THSD7B: variants seen among roughly 807,000 people sequenced by gnomAD.
THSD7B encodes the protein thrombospondin type-1 domain-containing protein 7B.
A neutral mutation model predicts 213.6 loss-of-function variants in THSD7B; 138 were observed. The ratio of observed to expected loss-of-function variants is 0.65; its 90% confidence interval spans 0.56 to 0.74. THSD7B has a LOEUF of 0.74. Ranked by LOEUF, THSD7B falls within the 30% of genes least tolerant of loss-of-function variation. The pLI is 0.00. For synonymous variants in THSD7B, 742 were observed against 687.0 expected (o/e 1.08, Z -1.25); for missense variants, 1,931 against 1,991.5 (o/e 0.97, Z 0.58).
intron 7 of THSD7B, among the ~76,000 whole-genome samples, chr2:137,178,137 A>G (rs1026779721): frequency 1.3e-5 from 2 of 151,264 alleles, no homozygotes; most frequent in Non-Finnish European, 2.9e-5. Context: ...CCTGCTGCAG[A>G]AGTTATTCTT....
At chr2:137,405,560 C>G in intron 12 of THSD7B, 53 bp from the exon 13 acceptor site, 1 of 1,502,072 alleles carries the variant, frequency 6.7e-7, no homozygotes. Flanking sequence ...AAAGAACCAG[C>G]AGCTGACTGA....
intron 7 of THSD7B, among the ~76,000 whole-genome samples, chr2:137,220,745 C>T (rs965188837): frequency 1.3e-5 from 2 of 151,990 alleles, no homozygotes; most frequent in African/African-American, 4.8e-5. Flanking sequence ...CAGCTTTATG[C>T]ACAATCGCCA....
At chr2:136,907,900 AT>A (rs1471209061) in intron 2 of THSD7B, among the ~76,000 whole-genome samples, 5 of 152,226 alleles carry the variant, frequency 3.3e-5, no homozygotes, top group Non-Finnish European at 1.5e-5. Flanking sequence ...TCAGTGCAGT[AT>A]TTTAGGTGAT....
chr2:137,041,828 G>T (rs1335240171), intron 2 of THSD7B, among the ~76,000 whole-genome samples: 1 of 152,138 alleles, frequency 6.6e-6, no homozygotes, highest in Admixed American at 6.5e-5. Context: ...ATTCGCTAAT[G>T]TGTGGCCAAT....
chr2:137,471,602 G>A lies in THSD7B; in HGVS notation c.3138+20579G>A, dbSNP rs1313390897. ...ACCCCATGCCTACTCCTCAGGTCTA[G>A]GGGTCATCACATGGGAAGAGGGTGC... is the stretch of plus-strand genomic sequence containing the variant. On this transcript the variant is annotated intron_variant, in intron 15 of 27. Transcript: ENST00000409968. 2.0e-5 allele frequency among the ~76,000 whole-genome samples: 3 copies of A among 151,982 alleles called. 1 individual carries two copies. Among genetic ancestry groups the A allele is most frequent in the Non-Finnish European group, 4.4e-5 (3 of 68,028 alleles).
intron 2 of THSD7B, among the ~76,000 whole-genome samples, chr2:136,922,024 G>A (rs1356794329): frequency 1.3e-5 from 2 of 152,138 alleles, no homozygotes; most frequent in Non-Finnish European, 2.9e-5. Flanking sequence ...ACATTTTCAA[G>A]GGAATAAAAA....
intron 12 of THSD7B, among the ~76,000 whole-genome samples, chr2:137,366,392 A>G (rs1685408737): frequency 2.0e-5 from 3 of 151,930 alleles, no homozygotes; most frequent in Admixed American, 6.6e-5. Context: ...AAGTATAATA[A>G]TAAAAAAAAA....
chr2:136,940,403 C>T (rs1389841485), intron 2 of THSD7B, among the ~76,000 whole-genome samples: 1 of 152,028 alleles, frequency 6.6e-6, no homozygotes, highest in African/African-American at 2.4e-5. Flanking sequence ...TTAAAAATCC[C>T]ATCATCTGTT....
At chr2:137,547,367 C>T (rs888133115) in intron 15 of THSD7B, among the ~76,000 whole-genome samples, 4 of 151,972 alleles carry the variant, frequency 2.6e-5, no homozygotes, top group Non-Finnish European at 4.4e-5. Context: ...TATTTTAACT[C>T]GTAATATAGC....
intron 13 of THSD7B, among the ~76,000 whole-genome samples, chr2:137,406,334 T>C (rs1050095772): frequency 5.9e-5 from 9 of 152,236 alleles, no homozygotes; most frequent in African/African-American, 1.9e-4. Context: ...TGTTTTCAGC[T>C]GCAAAAATTT....
chr2:136,960,809 G>A lies in THSD7B; in HGVS notation c.139+78492G>A, dbSNP rs376275506. On this transcript the variant is annotated intron_variant, in intron 2 of 27. Transcript: ENST00000409968. Reference sequence around the variant, plus strand: ...GACATGTTTGAAAATGTGAGACTGGGCCGGGCGCAGTGGCTCAGGCCTGTA... The same window carrying A: ...GACATGTTTGAAAATGTGAGACTGGACCGGGCGCAGTGGCTCAGGCCTGTA... Among the ~76,000 whole-genome samples, 7 of 152,200 alleles carry A rather than the reference G, an allele frequency of 4.6e-5. No homozygotes were observed. In the East Asian group the frequency reaches 7.8e-4, roughly 17 times the overall value.
At chr2:136,902,363 T>C (rs564600123) in intron 2 of THSD7B, among the ~76,000 whole-genome samples, 2 of 152,366 alleles carry the variant, frequency 1.3e-5, no homozygotes, top group South Asian at 4.1e-4. Context: ...TGGATCGTTA[T>C]GAAACATATA....
At chr2:136,965,368 T>C (rs2105090074) in intron 2 of THSD7B, among the ~76,000 whole-genome samples, 1 of 152,216 alleles carries the variant, frequency 6.6e-6, no homozygotes, top group East Asian at 1.9e-4. Flanking sequence ...AAATAGAATA[T>C]GGGGATGGGA....
intron 12 of THSD7B, among the ~76,000 whole-genome samples, chr2:137,373,159 C>T (rs1480222855): frequency 2.6e-5 from 4 of 152,026 alleles, no homozygotes; most frequent in Admixed American, 6.6e-5. Flanking sequence ...AATAAACATA[C>T]GTGTGCATGT....
chr2:137,160,177 G>T (rs1474530898), intron 5 of THSD7B, 36 bp from the exon 6 acceptor site: 1 of 1,591,344 alleles, frequency 6.3e-7, no homozygotes, highest in African/African-American at 1.3e-5. Flanking sequence ...GATGTCCAGA[G>T]AATGTGACAT....
rs76693568 is a variant in THSD7B, at chr2:137,242,474, G to A, written c.2168G>A (p.Arg723Gln). The A allele has an allele frequency of 1.0e-3, 1,663 of 1,613,718 alleles. 30 individuals carry two copies. The East Asian group carries it at 0.036, about 35-fold the overall frequency. Reference sequence around the variant, plus strand: ...ATTGACAGATGTCCAGATTCTACTCGACCTGAAACTGTGCGCCCCTGTTTT... The same window carrying A: ...ATTGACAGATGTCCAGATTCTACTCAACCTGAAACTGTGCGCCCCTGTTTT... Reference protein sequence around the residue: ...VMTKRCPDSTRPETVRPCFLP... With the variant: ...VMTKRCPDSTQPETVRPCFLP... The change falls in exon 10 of 28, where the codon CGA (arginine) becomes CAA (glutamine). Residue 723 changes from arginine to glutamine, a missense_variant. By Grantham distance (43) the Arg-to-Gln change is conservative. Coordinates refer to ENST00000409968, the MANE Select transcript of THSD7B (RefSeq NM_001316349.2).
At chr2:137,588,061 C>G (rs1365047617) in intron 17 of THSD7B, among the ~76,000 whole-genome samples, 1 of 152,154 alleles carries the variant, frequency 6.6e-6, no homozygotes, top group Admixed American at 6.5e-5. Context: ...GCCTGGCTGC[C>G]CCCTTGCAGT....
intron 14 of THSD7B, among the ~76,000 whole-genome samples, chr2:137,441,868 C>A (rs1390213523): frequency 6.6e-6 from 1 of 152,022 alleles, no homozygotes; most frequent in Non-Finnish European, 1.5e-5. Context: ...AGTATCTTTA[C>A]AGAATTATAT....
intron 5 of THSD7B, among the ~76,000 whole-genome samples, chr2:137,152,251 C>T (rs34914699): frequency 6.6e-6 from 1 of 152,080 alleles, no homozygotes; most frequent in Non-Finnish European, 1.5e-5. Flanking sequence ...CTTACCTTTC[C>T]TAAGGTTTAG....
Sources: allele counts gnomAD v4.1 joint callset (sites outside exome capture counted in the v4.1 genomes callset), GRCh38; gene constraint gnomAD v4.1.1; transcripts MANE v1.5; gene names NCBI Gene and HGNC (gene_info 2026-07-23, HGNC 2026-07-21).